Variants in GRM7 observed in about 807,000 individuals in gnomAD.
GRM7 encodes metabotropic glutamate receptor 7.
Under a neutral mutation model 84.5 loss-of-function variants are expected in GRM7, and 35 were observed. That is an observed-to-expected ratio of 0.41 (90% confidence interval 0.32 to 0.55). GRM7 has a LOEUF of 0.55. Ranked by LOEUF, GRM7 falls within the 20% of genes least tolerant of loss-of-function variation. GRM7 has a pLI of 0.19. For missense variants in GRM7, 1,003 were observed against 1,194.6 expected (o/e 0.84, Z 2.36); for synonymous variants, 487 against 455.1 (o/e 1.07, Z -0.89).
At chr3:7,393,129 A>T (rs563805478) in intron 4 of GRM7, among the ~76,000 whole-genome samples, 2 of 152,292 alleles carry the variant, frequency 1.3e-5, no homozygotes, top group Admixed American at 6.5e-5. Context: ...AGAGCACCTC[A>T]TAGAAATGTA....
At position 7,473,313 on chromosome 3, in the gene GRM7, T is replaced by A. The variant is rs544450812; in HGVS notation, c.1515+11591T>A. Among the ~76,000 whole-genome samples, 647 of 151,938 alleles carry A rather than the reference T, an allele frequency of 4.3e-3. 2 individuals carry two copies. Among genetic ancestry groups the A allele is most frequent in the Non-Finnish European group, 5.2e-3 (351 of 67,948 alleles). ...CAAAACCCCATCTATACAAAAATTTTAAAAAAATAAAAATATGGATGGGTG... is the reference window on the plus strand; with the variant it reads ...CAAAACCCCATCTATACAAAAATTTAAAAAAAATAAAAATATGGATGGGTG... On this transcript the variant is annotated intron_variant, in intron 7 of 9. Coordinates refer to ENST00000357716, the MANE Select transcript of GRM7 (RefSeq NM_000844.4).
chr3:7,478,592 C>G (rs1699014156), intron 7 of GRM7, among the ~76,000 whole-genome samples: 1 of 152,070 alleles, frequency 6.6e-6, no homozygotes, highest in Non-Finnish European at 1.5e-5. Context: ...GTCAACAGCT[C>G]TTGATGAAAT....
At chr3:7,372,598 A>G (rs1694184679) in intron 4 of GRM7, among the ~76,000 whole-genome samples, 1 of 152,144 alleles carries the variant, frequency 6.6e-6, no homozygotes, top group Non-Finnish European at 1.5e-5. Flanking sequence ...TCTTATTTAT[A>G]GTCTGTTGCA....
At chr3:7,430,735 A>G (rs1306176628) in intron 5 of GRM7, among the ~76,000 whole-genome samples, 1 of 152,202 alleles carries the variant, frequency 6.6e-6, no homozygotes, top group African/African-American at 2.4e-5. Context: ...CTTATTTTGC[A>G]AATAGAAGCA....
chr3:7,367,098 T>C (rs1366909628), intron 4 of GRM7, among the ~76,000 whole-genome samples: 2 of 151,744 alleles, frequency 1.3e-5, no homozygotes, highest in Non-Finnish European at 3.0e-5. Context: ...AGAGTTGGTT[T>C]GTCAATTTTT....
At chr3:7,138,094 G>A (rs1693827985) in intron 1 of GRM7, among the ~76,000 whole-genome samples, 1 of 151,946 alleles carries the variant, frequency 6.6e-6, no homozygotes, top group African/African-American at 2.4e-5. Flanking sequence ...ATGCATAAAA[G>A]TGATAATGAC....
At chr3:7,178,159 A>G (rs934388979) in intron 2 of GRM7, among the ~76,000 whole-genome samples, 1 of 152,242 alleles carries the variant, frequency 6.6e-6, no homozygotes, top group Non-Finnish European at 1.5e-5. Flanking sequence ...AGCCAAAGTC[A>G]TATCATGGCT....
At chr3:7,590,416 G>T (rs189356888) in intron 8 of GRM7, among the ~76,000 whole-genome samples, 2 of 150,636 alleles carry the variant, frequency 1.3e-5, no homozygotes, top group African/African-American at 4.8e-5. Flanking sequence ...TACTGCCTAT[G>T]GTTGCTTTTA....
intron 4 of GRM7, among the ~76,000 whole-genome samples, chr3:7,404,199 A>T (rs545039267): frequency 6.6e-6 from 1 of 152,314 alleles, no homozygotes; most frequent in South Asian, 2.1e-4. Flanking sequence ...TCCTAGAAAG[A>T]GGGGCTCTAT....
chr3:7,336,451 A>G (rs1575184169), intron 4 of GRM7, among the ~76,000 whole-genome samples: 1 of 152,194 alleles, frequency 6.6e-6, no homozygotes, highest in South Asian at 2.1e-4. Context: ...GAATGGGGAA[A>G]AGTTGAAACC....
At chr3:7,144,889 C>A (rs775074813) in intron 1 of GRM7, among the ~76,000 whole-genome samples, 1 of 152,130 alleles carries the variant, frequency 6.6e-6, no homozygotes, top group Non-Finnish European at 1.5e-5. Flanking sequence ...AAGTCAGGGG[C>A]AGAAAGCCTG....
chr3:7,097,295 C>T (rs1216970208), intron 1 of GRM7, among the ~76,000 whole-genome samples: 1 of 152,080 alleles, frequency 6.6e-6, no homozygotes, highest in East Asian at 1.9e-4. Context: ...CAGAAAATGG[C>T]TAGTGCTGTG....
chr3:7,392,861 T>C (rs935238937), intron 4 of GRM7, among the ~76,000 whole-genome samples: 3 of 152,180 alleles, frequency 2.0e-5, no homozygotes, highest in African/African-American at 7.2e-5. Flanking sequence ...CATCTTAGTC[T>C]CACCACAGCC....
chr3:6,872,430 T>C (rs1394101581), intron 1 of GRM7, among the ~76,000 whole-genome samples: 1 of 152,164 alleles, frequency 6.6e-6, no homozygotes, highest in Non-Finnish European at 1.5e-5. Context: ...TATTTCAGTC[T>C]GGAGTGCAAG....
At chr3:7,169,178 A>G (rs1366197494) in intron 2 of GRM7, among the ~76,000 whole-genome samples, 1 of 152,174 alleles carries the variant, frequency 6.6e-6, no homozygotes, top group African/African-American at 2.4e-5. Flanking sequence ...GTCCGGGGTC[A>G]TCAAATGCAT....
rs374224613 is a variant in GRM7, at chr3:7,306,493, C to T, written c.879-5C>T. 1 of 1,612,764 alleles carries T rather than the reference C, an allele frequency of 6.2e-7. No homozygotes were observed. On this transcript the variant is annotated splice_region_variant and splice_polypyrimidine_tract_variant and intron_variant, in intron 3 of 9. Transcript: ENST00000357716. ...TAATATAACTTTCCATATTTCTTTC[C>T]ACAGGCAGATCCTTGCAGCAGCCAA...
chr3:7,510,550 C>G (rs1005857037), intron 7 of GRM7, among the ~76,000 whole-genome samples: 2 of 151,986 alleles, frequency 1.3e-5, no homozygotes, highest in Admixed American at 1.3e-4. Flanking sequence ...AAATTCAAGA[C>G]ACATTATAGT....
intron 7 of GRM7, among the ~76,000 whole-genome samples, chr3:7,495,901 C>T (rs1371592631): frequency 6.6e-6 from 1 of 152,184 alleles, no homozygotes; most frequent in Non-Finnish European, 1.5e-5. Context: ...TATTTGATTG[C>T]ACCTCCTGAA....
intron 4 of GRM7, among the ~76,000 whole-genome samples, chr3:7,382,146 T>G (rs1694617220): frequency 6.6e-6 from 1 of 152,184 alleles, no homozygotes; most frequent in Admixed American, 6.5e-5. Flanking sequence ...CTGCTTACCT[T>G]ATGGCTTTTT....
Sources: allele counts gnomAD v4.1 joint callset (sites outside exome capture counted in the v4.1 genomes callset), GRCh38; gene constraint gnomAD v4.1.1; transcripts MANE v1.5; gene names NCBI Gene and HGNC (gene_info 2026-07-23, HGNC 2026-07-21).